Variants in TRPC4 observed in about 807,000 individuals in gnomAD.
TRPC4 encodes the protein short transient receptor potential channel 4.
Under a neutral mutation model 99.4 loss-of-function variants are expected in TRPC4, and 49 were observed. The observed-to-expected ratio is 0.49, with a 90% confidence interval of 0.39 to 0.63. The LOEUF is 0.63. Ranked by LOEUF, TRPC4 falls within the 20% of genes least tolerant of loss-of-function variation. TRPC4 has a pLI of 0.00. For synonymous variants in TRPC4, 454 were observed against 425.9 expected (o/e 1.07, Z -0.81); for missense variants, 898 against 1,152.9 (o/e 0.78, Z 3.20).
chr13:37,753,101 A>AT (rs139063184), intron 2 of TRPC4, among the ~76,000 whole-genome samples: 3,030 of 152,042 alleles, frequency 0.02, 105 homozygotes, highest in African/African-American at 0.069. Flanking sequence ...TAATTTAGAG[A>AT]TTTTTTTAAT....
In TRPC4 at chr13:37,758,030, A is replaced by G. The variant is rs953373690; in HGVS notation, c.379-11575T>C. On this transcript the variant is annotated intron_variant, in intron 2 of 10. Coordinates refer to ENST00000379705, the MANE Select transcript of TRPC4 (RefSeq NM_016179.4). ...ACATGTGGGCCTGTATATTTCAGTT[A>G]GGGGTAATTGGCGTATTCACGTAAG... is the stretch of plus-strand genomic sequence containing the variant. Among the ~76,000 whole-genome samples the G allele has an allele frequency of 3.3e-5, 5 of 152,050 alleles. No individual in the cohort carries two copies. The Middle Eastern group carries it at 0.01, about 310-fold the overall frequency.
chr13:37,818,098 C>G (rs1957910376), intron 1 of TRPC4, among the ~76,000 whole-genome samples: 1 of 151,952 alleles, frequency 6.6e-6, no homozygotes, highest in Admixed American at 6.6e-5. Context: ...CGTGAACAGA[C>G]AGCCTACAGA....
chr13:37,754,433 CTG>C (rs1328998723), intron 2 of TRPC4, among the ~76,000 whole-genome samples: 15 of 152,128 alleles, frequency 9.9e-5, no homozygotes, highest in Admixed American at 6.6e-5. Context: ...GAAAATCACA[CTG>C]TGTTTTACTT....
chr13:37,750,029 A>G (rs1233880751), intron 2 of TRPC4, among the ~76,000 whole-genome samples: 1 of 152,130 alleles, frequency 6.6e-6, no homozygotes, highest in Admixed American at 6.6e-5. Context: ...CACAGATTTA[A>G]TGGTTATCAG....
intron 5 of TRPC4, among the ~76,000 whole-genome samples, chr13:37,672,486 G>T (rs1039029088): frequency 6.6e-6 from 1 of 152,086 alleles, no homozygotes; most frequent in African/African-American, 2.4e-5. Flanking sequence ...CTTAAATCTG[G>T]TGATGGAGAA....
chr13:37,813,622 C>A (rs1957763191), intron 1 of TRPC4, among the ~76,000 whole-genome samples: 1 of 151,712 alleles, frequency 6.6e-6, no homozygotes, highest in Non-Finnish European at 1.5e-5. Flanking sequence ...ATTAGATGAA[C>A]TAGATGAGTA....
chr13:37,817,968 A>G (rs1168347256), intron 1 of TRPC4, among the ~76,000 whole-genome samples: 1 of 152,018 alleles, frequency 6.6e-6, no homozygotes, highest in Non-Finnish European at 1.5e-5. Context: ...TTTAGGACAC[A>G]GGAACGTACA....
intron 3 of TRPC4, among the ~76,000 whole-genome samples, chr13:37,705,208 A>G (rs1286473912): frequency 6.6e-6 from 1 of 152,188 alleles, no homozygotes; most frequent in African/African-American, 2.4e-5. Flanking sequence ...TAGCAATGCA[A>G]TTACAGCATG....
intron 1 of TRPC4, among the ~76,000 whole-genome samples, chr13:37,829,124 T>C (rs985894916): frequency 1.3e-5 from 2 of 152,120 alleles, no homozygotes; most frequent in Admixed American, 6.5e-5. Flanking sequence ...CTGGATGTTA[T>C]CAAAATTAAA....
chr13:37,711,736 T>C (rs139385809), intron 3 of TRPC4, among the ~76,000 whole-genome samples: 233 of 152,180 alleles, frequency 1.5e-3, no homozygotes, highest in African/African-American at 5.4e-3. Flanking sequence ...CAGTAAACTA[T>C]AGACATTTAA....
intron 1 of TRPC4, among the ~76,000 whole-genome samples, chr13:37,828,996 C>A (rs558883289): frequency 1.3e-5 from 2 of 152,096 alleles, no homozygotes; most frequent in Non-Finnish European, 2.9e-5. Context: ...TTAAAAAGAG[C>A]TAAAAACTAT....
intron 1 of TRPC4, among the ~76,000 whole-genome samples, chr13:37,791,670 T>G (rs1340683354): frequency 6.6e-6 from 1 of 152,070 alleles, no homozygotes; most frequent in Admixed American, 6.6e-5. Context: ...AATTATAAAT[T>G]TCTATAAATC....
chr13:37,646,360 A>G (rs977443618), intron 8 of TRPC4, among the ~76,000 whole-genome samples: 5 of 151,634 alleles, frequency 3.3e-5, no homozygotes, highest in Non-Finnish European at 7.4e-5. Flanking sequence ...AAGAACTAGT[A>G]TTTTTTTTTG....
At chr13:37,723,099 G>A (rs531293633) in intron 3 of TRPC4, among the ~76,000 whole-genome samples, 3 of 151,990 alleles carry the variant, frequency 2.0e-5, no homozygotes, top group African/African-American at 4.8e-5. Context: ...ATATAAACAC[G>A]CAAATGCACA....
chr13:37,745,712 A>C (rs1266360840), intron 3 of TRPC4, among the ~76,000 whole-genome samples: 2 of 151,790 alleles, frequency 1.3e-5, no homozygotes, highest in Non-Finnish European at 2.9e-5. Context: ...TACCACAGTC[A>C]ATGTGTACAT....
chr13:37,742,581 A>G (rs1955625557), intron 3 of TRPC4, among the ~76,000 whole-genome samples: 1 of 152,164 alleles, frequency 6.6e-6, no homozygotes, highest in Admixed American at 6.6e-5. Context: ...GGTTTGCTTC[A>G]TAGAATGCTC....
chr13:37,840,215 T>C (rs9548069), intron 1 of TRPC4, among the ~76,000 whole-genome samples: 31,428 of 152,006 alleles, frequency 0.21, 3,356 homozygotes, highest in African/African-American at 0.25. Flanking sequence ...CTGGCACAAC[T>C]TTCTAGGTTT....
intron 3 of TRPC4, among the ~76,000 whole-genome samples, chr13:37,723,970 C>CTTTT (rs1954954283): frequency 6.6e-6 from 1 of 152,006 alleles, no homozygotes; most frequent in Non-Finnish European, 1.5e-5. Context: ...CTTATAAATG[C>CTTTT]AAAGATTCTT....
chr13:37,757,243 A>G (rs1346337972), intron 2 of TRPC4, among the ~76,000 whole-genome samples: 1 of 152,076 alleles, frequency 6.6e-6, no homozygotes, highest in Non-Finnish European at 1.5e-5. Context: ...GATTTCTACT[A>G]TTGACAAAGA....
Sources: gnomAD v4.1 joint callset for allele counts (sites outside exome capture counted in the v4.1 genomes callset) on GRCh38, gnomAD v4.1.1 for gene constraint, MANE v1.5 for transcripts, NCBI Gene and HGNC (gene_info 2026-07-23, HGNC 2026-07-21) for gene names.